Variants in RETREG1 observed in about 807,000 individuals in gnomAD.
The protein encoded by RETREG1 is family with sequence similarity 134 member B.
In RETREG1, 44 loss-of-function variants were observed where a neutral mutation model predicts 54.8. That is an observed-to-expected ratio of 0.80 (90% CI 0.63 to 1.03). RETREG1 has a LOEUF of 1.03. Ranked by LOEUF, RETREG1 falls within the 50% of genes least tolerant of loss-of-function variation. RETREG1 has a pLI of 0.00. For synonymous variants in RETREG1, 217 were observed against 238.5 expected (o/e 0.91, Z 0.83); for missense variants, 554 against 605.1 (o/e 0.92, Z 0.89).
chr5:16,544,244 G>A (rs910147548), intron 3 of RETREG1, among the ~76,000 whole-genome samples: 6 of 152,070 alleles, frequency 3.9e-5, no homozygotes, highest in Non-Finnish European at 7.4e-5. Context: ...CCAAAGTGCC[G>A]GGATCACAGG....
chr5:16,482,792 C>T (rs1186640269), intron 4 of RETREG1, among the ~76,000 whole-genome samples: 1 of 152,066 alleles, frequency 6.6e-6, no homozygotes, highest in East Asian at 1.9e-4. Context: ...CCATGTAATC[C>T]CTTCCCAACC....
intron 1 of RETREG1, among the ~76,000 whole-genome samples, chr5:16,590,571 T>A (rs1401661913): frequency 6.6e-6 from 1 of 152,112 alleles, no homozygotes; most frequent in Non-Finnish European, 1.5e-5. Flanking sequence ...CTAGCCTAAG[T>A]GAAACTCGGG....
At chr5:16,543,361 T>C (rs145610207) in intron 3 of RETREG1, among the ~76,000 whole-genome samples, 36 of 152,268 alleles carry the variant, frequency 2.4e-4, no homozygotes, top group East Asian at 2.3e-3. Flanking sequence ...ATGGTAGTTG[T>C]ATATTTATCT....
chr5:16,581,526 AAC>A (rs3993834), intron 1 of RETREG1, among the ~76,000 whole-genome samples: 17,748 of 143,538 alleles, frequency 0.12, 1,144 homozygotes, highest in South Asian at 0.23. Flanking sequence ...TCAGAAACAC[AAC>A]ACACACACAC....
intron 3 of RETREG1, among the ~76,000 whole-genome samples, chr5:16,557,107 G>A (rs1397039466): frequency 6.6e-6 from 1 of 152,184 alleles, no homozygotes. Context: ...TGGCATTAAA[G>A]TCATGAGCCA....
intron 2 of RETREG1, 91 bp downstream of exon 2, chr5:16,571,905 A>C (rs1056071444): frequency 1.1e-5 from 10 of 898,580 alleles, no homozygotes; most frequent in Non-Finnish European, 1.8e-5. Flanking sequence ...TTCTGTTCAA[A>C]GGACTAATTG....
chr5:16,614,544 G>A (rs1167753734), intron 1 of RETREG1, among the ~76,000 whole-genome samples: 1 of 152,196 alleles, frequency 6.6e-6, no homozygotes, highest in Non-Finnish European at 1.5e-5. Context: ...GGCAAAGCAG[G>A]CAGTCATACA....
At chr5:16,476,684 T>C (rs1225211529) in intron 8 of RETREG1, among the ~76,000 whole-genome samples, 2 of 143,316 alleles carry the variant, frequency 1.4e-5, no homozygotes, top group African/African-American at 2.6e-5. Flanking sequence ...TTCTCACCTG[T>C]AAGTGGAAGC....
chr5:16,612,868 G>A (rs998904713), intron 1 of RETREG1, among the ~76,000 whole-genome samples: 1 of 152,074 alleles, frequency 6.6e-6, no homozygotes, highest in African/African-American at 2.4e-5. Flanking sequence ...TATCCCCTAT[G>A]TGTGTATCCC....
intron 3 of RETREG1, among the ~76,000 whole-genome samples, chr5:16,527,256 G>C (rs1289804542): frequency 6.6e-6 from 1 of 152,200 alleles, no homozygotes; most frequent in African/African-American, 2.4e-5. Flanking sequence ...TTTGAACCTA[G>C]GCCATCTGGC....
At chr5:16,483,532 T>A (rs1738898157) in intron 3 of RETREG1, 60 bp from the exon 4 acceptor site, 2 of 1,579,456 alleles carry the variant, frequency 1.3e-6, no homozygotes, top group African/African-American at 2.7e-5. Flanking sequence ...TCAACATTTA[T>A]GGCTTTGGCA....
intron 3 of RETREG1, among the ~76,000 whole-genome samples, chr5:16,512,616 G>A (rs763422544): frequency 3.3e-5 from 5 of 149,584 alleles, no homozygotes; most frequent in African/African-American, 1.2e-4. Context: ...CAGCTGCTTT[G>A]ATTAAAGCTC....
chr5:16,610,717 C>T (rs1227993933), intron 1 of RETREG1, among the ~76,000 whole-genome samples: 1 of 152,230 alleles, frequency 6.6e-6, no homozygotes, highest in Non-Finnish European at 1.5e-5. Flanking sequence ...TATCATCTCA[C>T]ACCAGTTAGA....
chr5:16,604,203 C>T (rs771348487), intron 1 of RETREG1, among the ~76,000 whole-genome samples: 1 of 152,190 alleles, frequency 6.6e-6, no homozygotes, highest in Non-Finnish European at 1.5e-5. Context: ...CCAGCAACCT[C>T]CCCTTGCAGT....
intron 3 of RETREG1, among the ~76,000 whole-genome samples, chr5:16,507,255 C>A (rs1739995986): frequency 6.6e-6 from 1 of 152,150 alleles, no homozygotes; most frequent in African/African-American, 2.4e-5. Flanking sequence ...CTTATCAATA[C>A]ATTTCATTCT....
rs57326305 is a variant in RETREG1 at position 16,589,104 on chromosome 5, A to G, written c.321-17002T>C. Among the ~76,000 whole-genome samples, 218 of 152,302 alleles carry G rather than the reference A, an allele frequency of 1.4e-3. 1 individual carries two copies. The highest frequency in any genetic ancestry group is 5.0e-3 in the African/African-American group (208 of 41,574). On this transcript the variant is annotated intron_variant, in intron 1 of 8. Coordinates refer to ENST00000306320, the MANE Select transcript of RETREG1 (RefSeq NM_001034850.3). ...TAGTATCTAGAGCCCCACATCCAGT[A>G]GTTGTGCCTAGAAAACACCACCCCC...
intron 3 of RETREG1, among the ~76,000 whole-genome samples, chr5:16,504,841 G>A (rs1383019320): frequency 1.3e-5 from 2 of 152,066 alleles, no homozygotes; most frequent in Non-Finnish European, 2.9e-5. Flanking sequence ...GAATCCCAAC[G>A]GCACCCTGGT....
intron 3 of RETREG1, among the ~76,000 whole-genome samples, chr5:16,548,860 T>G (rs1263618585): frequency 6.6e-6 from 1 of 152,216 alleles, no homozygotes; most frequent in African/African-American, 2.4e-5. Flanking sequence ...CTGTGAGAAA[T>G]AAATATCTGT....
chr5:16,614,900 G>C (rs1445386360), intron 1 of RETREG1, among the ~76,000 whole-genome samples: 2 of 152,166 alleles, frequency 1.3e-5, no homozygotes, highest in African/African-American at 4.8e-5. Context: ...AATTTGCATA[G>C]AATATGGTGT....
Sources: gnomAD v4.1 joint callset for allele counts (sites outside exome capture counted in the v4.1 genomes callset) on GRCh38, gnomAD v4.1.1 for gene constraint, MANE v1.5 for transcripts, NCBI Gene and HGNC (gene_info 2026-07-23, HGNC 2026-07-21) for gene names.